Variants in BOP1 observed in about 807,000 individuals in gnomAD.
BOP1 encodes BOP1 ribosomal biogenesis factor.
A neutral mutation model predicts 82.9 loss-of-function variants in BOP1; 54 were observed. The ratio of observed to expected loss-of-function variants is 0.65; its 90% CI spans 0.52 to 0.82. BOP1 has a LOEUF of 0.82. Among genes scored for constraint, BOP1 ranks in the 40% least tolerant of loss-of-function variants. The pLI is 0.00. For missense variants in BOP1, 1,170 were observed against 1,072.0 expected, an observed-to-expected ratio of 1.09 and a Z score of -1.28; for synonymous variants, 566 against 451.1, an observed-to-expected ratio of 1.25 and a Z score of -3.23.
At chr8:144,266,500 G>C (rs1194543010) in intron 3 of BOP1, 48 of 987,302 alleles carry the variant, frequency 4.9e-5, no homozygotes, top group Non-Finnish European at 5.6e-5. Context: ...TGCCACCGCG[G>C]GGCGCAGCCG....
At chr8:144,270,962 C>A (rs1339963240) in intron 3 of BOP1, among the ~76,000 whole-genome samples, 1 of 152,118 alleles carries the variant, frequency 6.6e-6, no homozygotes. Flanking sequence ...GAGCTGCTGG[C>A]GGGACACATG....
intron 3 of BOP1, chr8:144,266,791 C>CGGGCCG (rs1410815497): frequency 9.0e-7 from 1 of 1,105,942 alleles, no homozygotes; most frequent in Non-Finnish European, 1.1e-6. Context: ...GGGGGGCCGG[C>CGGGCCG]GGGCCGGGGG....
intron 3 of BOP1, chr8:144,266,598 C>CGCCCCCGCCG: frequency 3.6e-6 from 4 of 1,110,066 alleles, no homozygotes; most frequent in Non-Finnish European, 4.4e-6. Flanking sequence ...GCTGACGCCG[C>CGCCCCCGCCG]GCCCCCGCCG....
intron 2 of BOP1, among the ~76,000 whole-genome samples, chr8:144,278,272 C>A (rs1487483454): frequency 1.1e-5 from 1 of 91,180 alleles, no homozygotes; most frequent in African/African-American, 4.7e-5. Context: ...GCCGCTGGGG[C>A]CAAGGAAAGG....
chr8:144,272,397 G>A (rs1845505616), intron 3 of BOP1, among the ~76,000 whole-genome samples: 2 of 152,134 alleles, frequency 1.3e-5, no homozygotes, highest in Non-Finnish European at 2.9e-5. Flanking sequence ...CCCCGGCCTT[G>A]GGACGTACAC....
At chr8:144,278,674 G>A (rs990950698) in intron 2 of BOP1, among the ~76,000 whole-genome samples, 1 of 152,164 alleles carries the variant, frequency 6.6e-6, no homozygotes, top group Admixed American at 6.5e-5. Context: ...CGCTGTCGGG[G>A]TGCCAAGGAC....
Position 144,263,693 on chromosome 8 carries a change from T to C in BOP1, c.1290A>G (p.Ser430=), listed in dbSNP as rs1845290331. 6.3e-7 allele frequency: 1 copy of C among 1,575,208 alleles called. No individual in the cohort carries two copies. Among genetic ancestry groups the C allele is most frequent in the Non-Finnish European group, 8.6e-7 (1 of 1,161,926 alleles). Residue 430 remains serine (S), a splice_region_variant and synonymous_variant, in exon 10 of 16, where the codon TCA becomes TCG. Transcript: ENST00000569669. The part of the protein sequence containing the change: ...SVSPGGQWLV[S]GSDDGSLRLW... ...AGGCTGCCCCCAGCTCGGACCCACC[T>C]GAAACCAGCCACTGGCCCCCAGGAG...
Position 144,262,847 on chromosome 8 carries a change from C to A in BOP1, c.1894+6G>T. On this transcript the variant is annotated splice_donor_region_variant and intron_variant, in intron 13 of 15. Coordinates refer to ENST00000569669, the MANE Select transcript of BOP1 (RefSeq NM_015201.5). Reference sequence around the variant, plus strand: ...ACCTGCAGGGTGCACCGCCCCCACCCCTCACCTGCAGGGTGCACCGCCAGG... The same window carrying A: ...ACCTGCAGGGTGCACCGCCCCCACCACTCACCTGCAGGGTGCACCGCCAGG... 2 of 1,400,784 alleles carry A rather than the reference C, an allele frequency of 1.4e-6. No homozygotes were observed. Among genetic ancestry groups the A allele is most frequent in the Admixed American group, 2.2e-5 (1 of 46,106 alleles). The allele number at this position is 1,400,784 out of a possible 1,614,324, so 86.8% of individuals were successfully genotyped here.
In BOP1 at chr8:144,263,562, C is replaced by G; in HGVS notation, c.1340G>C (p.Cys447Ser). The G allele has an allele frequency of 5.0e-6, 8 of 1,602,322 alleles. No homozygotes were observed. Among genetic ancestry groups the G allele is most frequent in the Non-Finnish European group, 5.9e-6 (7 of 1,179,726 alleles). The stretch of plus-strand genomic sequence containing the variant: ...GCCCCCCACGGGAACAGTCCTCACA[C>G]AGCGGGCAGTGGCCACCTCCCAGAG... ...LRLWEVATAR[C>S]VRTVPVGGVV... The change falls in exon 11 of 16, where the codon TGT becomes TCT. Residue 447 changes from cysteine (C) to serine (S), a missense_variant. Cys to Ser is a moderately radical substitution (Grantham distance 112). Transcript: ENST00000569669.
intron 5 of BOP1, 41 bp downstream of exon 5, chr8:144,264,673 C>A: frequency 6.4e-7 from 1 of 1,564,270 alleles, no homozygotes; most frequent in Non-Finnish European, 8.7e-7. Context: ...GCTGGTGCCT[C>A]CAGGACCCCC....
chr8:144,263,581 C>G lies in BOP1; in HGVS notation c.1321G>C (p.Glu441Gln). The G allele has an allele frequency of 6.2e-7, 1 of 1,604,394 alleles. No individual in the cohort carries two copies. The highest frequency in any genetic ancestry group is 8.5e-7 in the Non-Finnish European group (1 of 1,179,726). Residue 441 changes from glutamate to glutamine, a missense_variant, in exon 11 of 16, where the codon GAG (glutamate) becomes CAG (glutamine). Physicochemically the swap from Glu to Gln is conservative, Grantham distance 29. Transcript: ENST00000569669. Reference protein sequence around the residue: ...GSDDGSLRLWEVATARCVRTV... With the variant: ...GSDDGSLRLWQVATARCVRTV... The stretch of plus-strand genomic sequence containing the variant: ...CTCACACAGCGGGCAGTGGCCACCT[C>G]CCAGAGCCGCAGGGAGCCGTCGTCA...
At chr8:144,283,244 G>A (rs1264012318) in intron 2 of BOP1, among the ~76,000 whole-genome samples, 1 of 143,054 alleles carries the variant, frequency 7.0e-6, no homozygotes, top group Non-Finnish European at 1.5e-5. Context: ...CCATGGTTTG[G>A]GGCAGTTTGT....
intron 2 of BOP1, among the ~76,000 whole-genome samples, chr8:144,276,617 G>A (rs1448809055): frequency 1.3e-5 from 2 of 152,128 alleles, no homozygotes; most frequent in Non-Finnish European, 2.9e-5. Context: ...GAGCAAAGCC[G>A]CCAGCTGAGG....
chr8:144,279,941 A>G (rs1359886733), intron 2 of BOP1, among the ~76,000 whole-genome samples: 1 of 152,186 alleles, frequency 6.6e-6, no homozygotes, highest in Non-Finnish European at 1.5e-5. Context: ...CAAGTCCCAG[A>G]GCACAGGATG....
At position 144,264,254 on chromosome 8, in the gene BOP1, G is replaced by T. The variant is rs1215364747; in HGVS notation, c.949C>A (p.Pro317Thr). 6 of 1,610,498 alleles carry T rather than the reference G, an allele frequency of 3.7e-6. No homozygotes were observed. The Admixed American group carries it at 8.4e-5, about 22-fold the overall frequency. The change falls in exon 7 of 16, where the codon CCC becomes ACC. Residue 317 changes from proline (P) to threonine (T), a missense_variant. Physicochemically the swap from Pro to Thr is conservative, Grantham distance 38. Transcript: ENST00000569669. ...LPGHAESYNPPPEYLLSEEER... is the reference protein window; with the variant it reads ...LPGHAESYNPTPEYLLSEEER... ...TCCTCGCTGAGCAGGTATTCAGGGG[G>T]TGGGTTGTACGACTCGGCGTGGCCT...
Position 144,291,123 on chromosome 8 carries a change from C to G in BOP1, c.99+149G>C, listed in dbSNP as rs1001344950. The G allele has an allele frequency of 3.8e-6, 2 of 531,788 alleles. No homozygotes were observed. Among genetic ancestry groups the G allele is most frequent in the Admixed American group, 4.9e-5 (1 of 20,496 alleles). The allele number at this position is 531,788 out of a possible 1,614,324, so 32.9% of individuals were successfully genotyped here. ...CGCAGTCCGCTCTGCCTGAGACCCC[C>G]CGATAGAGGAGCTGCACCCACGCCC... On this transcript the variant is annotated intron_variant, in intron 1 of 15. Coordinates refer to ENST00000569669, the MANE Select transcript of BOP1 (RefSeq NM_015201.5). This position sits in a 1 kb window ranked among gnomAD's most constrained non-coding sequence, Gnocchi z 4.1.
chr8:144,276,304 C>T lies in BOP1; in HGVS notation c.310G>A (p.Ala104Thr). Reference sequence around the variant, plus strand: ...TCTGTCCTCGGGCAAGGAGTGCTGGCCTGCAGAGAGAGAGAGAAAATGGTC... The same window carrying T: ...TCTGTCCTCGGGCAAGGAGTGCTGGTCTGCAGAGAGAGAGAGAAAATGGTC... ...IKKTTEEQVQ[A>T]STPCPRTEMA... Residue 104 changes from alanine to threonine, a missense_variant and splice_region_variant, in exon 3 of 16, where the codon GCC becomes ACC. Coordinates refer to ENST00000569669, the MANE Select transcript of BOP1 (RefSeq NM_015201.5). 1 of 1,613,032 alleles carries T rather than the reference C, an allele frequency of 6.2e-7. No homozygotes were observed. Among genetic ancestry groups the T allele is most frequent in the Non-Finnish European group, 8.5e-7 (1 of 1,179,788 alleles).
chr8:144,273,912 AC>A (rs1233315483), intron 3 of BOP1, among the ~76,000 whole-genome samples: 1 of 152,150 alleles, frequency 6.6e-6, no homozygotes, highest in Non-Finnish European at 1.5e-5. Flanking sequence ...GGAATAAGAC[AC>A]CAAGAGCTGG....
chr8:144,289,060 G>C (rs782451992), intron 2 of BOP1, 35 bp downstream of exon 2: 1 of 1,610,878 alleles, frequency 6.2e-7, no homozygotes, highest in Non-Finnish European at 8.5e-7. Context: ...CTGCACATGG[G>C]GGACAGCCCT....
Sources: gnomAD v4.1 joint callset for allele counts (sites outside exome capture counted in the v4.1 genomes callset) on GRCh38, gnomAD v4.1.1 for gene constraint, Gnocchi (gnomAD v3.1) non-coding constraint, MANE v1.5 for transcripts, NCBI Gene and HGNC (gene_info 2026-07-23, HGNC 2026-07-21) for gene names.